HMGA2: variants seen among roughly 807,000 people sequenced by gnomAD.
The protein encoded by HMGA2 is high mobility group protein HMGI-C.
HMGA2 carries 8 observed loss-of-function variants against 19.1 expected under a neutral mutation model. The observed-to-expected ratio is 0.42, with a 90% CI of 0.25 to 0.76. The LOEUF (loss-of-function observed/expected upper bound fraction) is 0.76. Ranked by LOEUF, HMGA2 falls within the 30% of genes least tolerant of loss-of-function variation. The pLI, the probability that HMGA2 is intolerant of heterozygous loss-of-function variation, is 0.28. For missense variants in HMGA2, 109 were observed against 136.3 expected (o/e 0.80, Z 1.00); for synonymous variants, 60 against 48.8 (o/e 1.23, Z -0.96).
chr12:65,897,921 G>A (rs1156680126), intron 3 of HMGA2, among the ~76,000 whole-genome samples: 3 of 149,692 alleles, frequency 2.0e-5, no homozygotes, highest in South Asian at 4.2e-4. Context: ...CTGAGATCGC[G>A]CCATTGCACT....
At chr12:65,842,488 C>A in intron 3 of HMGA2, 1 of 893,484 alleles carries the variant, frequency 1.1e-6, no homozygotes, top group Non-Finnish European at 1.8e-6. Flanking sequence ...GTACCCTTGA[C>A]AGTATCATTA....
chr12:65,869,289 G>A (rs1475687864), intron 3 of HMGA2, among the ~76,000 whole-genome samples: 1 of 152,194 alleles, frequency 6.6e-6, no homozygotes, highest in Non-Finnish European at 1.5e-5. Flanking sequence ...GAGCAACTCA[G>A]AAAGACGACA....
chr12:65,941,780 T>C (rs924015224), intron 3 of HMGA2, among the ~76,000 whole-genome samples: 4 of 152,246 alleles, frequency 2.6e-5, no homozygotes, highest in Non-Finnish European at 5.9e-5. Flanking sequence ...ATGTTTAGTC[T>C]AAGATTGGGC....
At chr12:65,866,749 G>A (rs1453066630) in intron 3 of HMGA2, 2 of 451,380 alleles carry the variant, frequency 4.4e-6, no homozygotes, top group African/African-American at 2.0e-5. Flanking sequence ...AATGTGAATA[G>A]TCATTCTTCT....
At chr12:65,883,329 C>T (rs1873517950) in intron 3 of HMGA2, among the ~76,000 whole-genome samples, 1 of 152,204 alleles carries the variant, frequency 6.6e-6, no homozygotes, top group African/African-American at 2.4e-5. Context: ...CCTGTTCTGA[C>T]ACTAACTGGT....
chr12:65,925,623 A>G (rs1422506479), intron 3 of HMGA2, among the ~76,000 whole-genome samples: 1 of 152,224 alleles, frequency 6.6e-6, no homozygotes, highest in Non-Finnish European at 1.5e-5. Flanking sequence ...CCTGAACTGA[A>G]TTAAATGCAA....
At chr12:65,901,310 A>G (rs1303990933) in intron 3 of HMGA2, among the ~76,000 whole-genome samples, 1 of 152,226 alleles carries the variant, frequency 6.6e-6, no homozygotes, top group Non-Finnish European at 1.5e-5. Flanking sequence ...TTCAAAAACT[A>G]TCATCCGGTT....
chr12:65,874,999 C>A (rs1002522788), intron 3 of HMGA2, among the ~76,000 whole-genome samples: 25 of 152,184 alleles, frequency 1.6e-4, no homozygotes, highest in African/African-American at 5.3e-4. Flanking sequence ...TTCCCCGCCC[C>A]CCCAGTAATA....
At chr12:65,887,364 G>A (rs1198131989) in intron 3 of HMGA2, among the ~76,000 whole-genome samples, 1 of 152,128 alleles carries the variant, frequency 6.6e-6, no homozygotes, top group Non-Finnish European at 1.5e-5. Flanking sequence ...GAGATGGGTC[G>A]ATCACCTGAG....
At chr12:65,861,935 C>A (rs1872106403) in intron 3 of HMGA2, among the ~76,000 whole-genome samples, 1 of 151,490 alleles carries the variant, frequency 6.6e-6, no homozygotes, top group Non-Finnish European at 1.5e-5. Flanking sequence ...ACCTCTGCCT[C>A]CCCAGTTCAA....
intron 4 of HMGA2, 150 bp from the exon 5 acceptor site, chr12:65,963,095 C>T: frequency 7.2e-6 from 5 of 694,278 alleles, no homozygotes; most frequent in South Asian, 3.5e-5. Context: ...GTTTAAGAAG[C>T]CCTGGGAATG....
At chr12:65,952,487 A>G (rs1876491581) in intron 4 of HMGA2, 6 of 1,526,200 alleles carry the variant, frequency 3.9e-6, no homozygotes, top group Non-Finnish European at 5.3e-6. Context: ...TCTTCAAACA[A>G]TTACATATGA....
intron 3 of HMGA2, among the ~76,000 whole-genome samples, chr12:65,940,015 G>A (rs964709976): frequency 3.9e-5 from 6 of 152,136 alleles, no homozygotes; most frequent in African/African-American, 1.2e-4. Context: ...AGAGGTACAG[G>A]AACTGTGCCT....
At chr12:65,900,385 C>T (rs909010317) in intron 3 of HMGA2, among the ~76,000 whole-genome samples, 10 of 152,098 alleles carry the variant, frequency 6.6e-5, no homozygotes, top group Admixed American at 1.3e-4. Context: ...CCCTGGACTC[C>T]TTTTCAGGGT....
At chr12:65,956,464 T>C (rs1409478373) in intron 4 of HMGA2, 1 of 152,130 alleles carries the variant, frequency 6.6e-6, no homozygotes, top group Non-Finnish European at 1.5e-5. Context: ...CACAGGGAAA[T>C]TGGAGGGCAG....
In HMGA2 at chr12:65,838,992, C is replaced by T. The variant is rs796227996; in HGVS notation, c.249+423C>T. ...TTCTTTTTTCTTTTTCTTTCTTTTT[C>T]TTTTTCTTTTTTTTTTTTGGTTTTC... On this transcript the variant is annotated intron_variant, in intron 3 of 4. Coordinates refer to ENST00000403681, the MANE Select transcript of HMGA2 (RefSeq NM_003483.6). Among the ~76,000 whole-genome samples the T allele has an allele frequency of 9.7e-3, 867 of 89,118 alleles. 16 individuals are homozygous for T. The highest frequency in any genetic ancestry group is 0.064 in the African/African-American group (610 of 9,548). The allele number at this position is 89,118 out of a possible 152,430, so 58.5% of individuals were successfully genotyped here.
At chr12:65,892,404 G>C (rs1282103146) in intron 3 of HMGA2, among the ~76,000 whole-genome samples, 4 of 152,166 alleles carry the variant, frequency 2.6e-5, no homozygotes, top group Non-Finnish European at 5.9e-5. Flanking sequence ...CCCTGAATCA[G>C]ATACTGGCTG....
At chr12:65,904,947 C>G (rs1874525121) in intron 3 of HMGA2, among the ~76,000 whole-genome samples, 1 of 151,848 alleles carries the variant, frequency 6.6e-6, no homozygotes, top group African/African-American at 2.4e-5. Context: ...GAGGCTGAGG[C>G]ACGAGAATTG....
chr12:65,877,601 T>C (rs80217647), intron 3 of HMGA2, among the ~76,000 whole-genome samples: 3 of 152,264 alleles, frequency 2.0e-5, no homozygotes, highest in Non-Finnish European at 4.4e-5. Context: ...CTTTCCCCTT[T>C]AATGTGTAGT....
Sources: allele counts gnomAD v4.1 joint callset (sites outside exome capture counted in the v4.1 genomes callset), GRCh38; gene constraint gnomAD v4.1.1; transcripts MANE v1.5; gene names NCBI Gene and HGNC (gene_info 2026-07-23, HGNC 2026-07-21).